IKZF2: variants seen among roughly 807,000 people sequenced by gnomAD.
IKZF2 encodes the protein IKAROS family zinc finger 2.
A neutral mutation model predicts 49.2 loss-of-function variants in IKZF2; 15 were observed. That is an observed-to-expected ratio of 0.30 (90% CI 0.20 to 0.47). IKZF2 has a LOEUF of 0.47. Among genes scored for constraint, IKZF2 ranks in the 20% least tolerant of loss-of-function variants. IKZF2 has a pLI of 1.00. For missense variants in IKZF2, 567 were observed against 664.6 expected, an observed-to-expected ratio of 0.85 and a Z score of 1.61; for synonymous variants, 227 against 221.4, an observed-to-expected ratio of 1.03 and a Z score of -0.23.
chr2:213,008,261 T>A (rs1348727890), intron 8 of IKZF2, among the ~76,000 whole-genome samples, 177 bp from the exon 9 acceptor site: 1 of 144,050 alleles, frequency 6.9e-6, no homozygotes, highest in East Asian at 2.0e-4. Context: ...CTCACACACA[T>A]TTTTTTTTTT....
chr2:213,131,765 T>C (rs909917533), intron 4 of IKZF2, among the ~76,000 whole-genome samples: 1 of 152,144 alleles, frequency 6.6e-6, no homozygotes, highest in Non-Finnish European at 1.5e-5. Context: ...AGCTGGGTGA[T>C]TTGGTCTCTG....
chr2:213,058,344 G>A (rs984725751), intron 4 of IKZF2, among the ~76,000 whole-genome samples: 1 of 152,002 alleles, frequency 6.6e-6, no homozygotes, highest in Non-Finnish European at 1.5e-5. Context: ...TAAGAACGAG[G>A]ATAGTGAGGA....
At chr2:213,019,492 G>A (rs1024314789) in intron 7 of IKZF2, among the ~76,000 whole-genome samples, 1 of 152,052 alleles carries the variant, frequency 6.6e-6, no homozygotes, top group African/African-American at 2.4e-5. Flanking sequence ...TACCTCGTAT[G>A]GCCAATTTCC....
At chr2:213,067,776 T>TTA (rs1361905056) in intron 4 of IKZF2, among the ~76,000 whole-genome samples, 2 of 152,034 alleles carry the variant, frequency 1.3e-5, no homozygotes, top group African/African-American at 2.4e-5. Flanking sequence ...GTCTGTCTTT[T>TTA]TATATATATA....
At chr2:213,090,436 T>C (rs1705175443) in intron 4 of IKZF2, among the ~76,000 whole-genome samples, 1 of 152,160 alleles carries the variant, frequency 6.6e-6, no homozygotes, top group Admixed American at 6.6e-5. Flanking sequence ...ACAAACATGG[T>C]CTTTTCTGTC....
intron 4 of IKZF2, among the ~76,000 whole-genome samples, chr2:213,058,139 T>G (rs1381317448): frequency 6.6e-6 from 1 of 152,166 alleles, no homozygotes; most frequent in Non-Finnish European, 1.5e-5. Context: ...TTGCCGTTGT[T>G]TTCTTAGAGA....
rs556848344 is a variant in IKZF2, at chr2:213,022,183, C to A, written c.575-53G>T. On this transcript the variant is annotated intron_variant, in intron 6 of 8. Coordinates refer to ENST00000434687, the MANE Select transcript of IKZF2 (RefSeq NM_001387220.1). ...CTGTTAGTCTCATCAACATTCAAAG[C>A]AAAATCAATAGCTAACTTTTGATAG... 2.6e-5 allele frequency: 38 copies of A among 1,461,712 alleles called. No individual in the cohort carries two copies. In the African/African-American group the frequency reaches 5.2e-4, roughly 20 times the overall value. The allele number at this position is 1,461,712 out of a possible 1,614,324, so 90.5% of individuals were successfully genotyped here. A position where few individuals can be genotyped will look rare whatever the true frequency, so the allele number is the denominator to read the frequency against.
intron 4 of IKZF2, among the ~76,000 whole-genome samples, chr2:213,063,083 A>G (rs1701855195): frequency 6.6e-6 from 1 of 152,022 alleles, no homozygotes; most frequent in Non-Finnish European, 1.5e-5. Context: ...AGTCTTGAAA[A>G]ACAGTTTCTT....
At chr2:213,029,335 A>T (rs1324993161) in intron 6 of IKZF2, among the ~76,000 whole-genome samples, 1 of 151,944 alleles carries the variant, frequency 6.6e-6, no homozygotes, top group Non-Finnish European at 1.5e-5. Flanking sequence ...CTTCAATTTC[A>T]ATTCCTGGAA....
chr2:213,027,441 C>A (rs1261553658), intron 6 of IKZF2, among the ~76,000 whole-genome samples: 2 of 152,040 alleles, frequency 1.3e-5, no homozygotes, highest in Admixed American at 1.3e-4. Context: ...GCCACTTACC[C>A]CTTCCTCTGA....
intron 7 of IKZF2, 100 bp downstream of exon 7, chr2:213,021,893 G>C: frequency 7.9e-7 from 1 of 1,263,506 alleles, no homozygotes; most frequent in Non-Finnish European, 1.1e-6. Context: ...TTAAGTTAAA[G>C]TGATCTAAAA....
At chr2:213,024,575 T>C (rs17277549) in intron 6 of IKZF2, among the ~76,000 whole-genome samples, 35,988 of 151,988 alleles carry the variant, frequency 0.24, 4,722 homozygotes, top group Non-Finnish European at 0.29. Flanking sequence ...AGTAGGAACA[T>C]TTCAGGTGAC....
At chr2:213,133,644 G>A (rs765513968) in intron 4 of IKZF2, among the ~76,000 whole-genome samples, 1 of 151,362 alleles carries the variant, frequency 6.6e-6, no homozygotes, top group Non-Finnish European at 1.5e-5. Context: ...GGTTGCAGTG[G>A]AGCCGAGATC....
At chr2:213,133,001 A>G (rs1221581903) in intron 4 of IKZF2, among the ~76,000 whole-genome samples, 3 of 152,250 alleles carry the variant, frequency 2.0e-5, no homozygotes, top group Non-Finnish European at 1.5e-5. Context: ...AGAAATATTC[A>G]GTAAGTGATC....
At chr2:213,056,241 C>CA (rs3835767) in intron 5 of IKZF2, among the ~76,000 whole-genome samples, 35,337 of 151,992 alleles carry the variant, frequency 0.23, 4,569 homozygotes, top group Non-Finnish European at 0.28. Flanking sequence ...CCAACCTACA[C>CA]ACCAGCCACT....
At chr2:213,086,331 G>C (rs955785877) in intron 4 of IKZF2, among the ~76,000 whole-genome samples, 1 of 152,082 alleles carries the variant, frequency 6.6e-6, no homozygotes. Flanking sequence ...AGAGTTGGAA[G>C]AAAGCTGCAA....
rs1407196384 is a variant in IKZF2, at chr2:213,001,104, AG to A, written c.*6255del. 1 of 151,926 alleles carries A rather than the reference AG, an allele frequency of 6.6e-6. No homozygotes were observed. Among genetic ancestry groups the A allele is most frequent in the African/African-American group, 2.4e-5 (1 of 41,382 alleles). 9.4% of individuals were successfully genotyped at this position (151,926 alleles called of 1,614,324 possible). A position where few individuals can be genotyped will look rare whatever the true frequency, so the allele number is the denominator to read the frequency against. On this transcript the variant is annotated 3_prime_UTR_variant, in exon 9 of 9. Transcript: ENST00000434687. ...AATCACCATAGTTTTTAAGACTTCA[AG>A]GGGAGTATTGCACTTGTACAGAAAG...
intron 4 of IKZF2, among the ~76,000 whole-genome samples, chr2:213,121,408 T>A (rs910914520): frequency 6.6e-6 from 1 of 152,216 alleles, no homozygotes; most frequent in African/African-American, 2.4e-5. Context: ...TGGCTTCCTA[T>A]CTTAGGCAAA....
intron 7 of IKZF2, among the ~76,000 whole-genome samples, chr2:213,019,528 A>G (rs1696976506): frequency 6.6e-6 from 1 of 152,210 alleles, no homozygotes; most frequent in South Asian, 2.1e-4. Context: ...CAACAGATAG[A>G]GGAGATTAAG....
Sources: allele counts gnomAD v4.1 joint callset (sites outside exome capture counted in the v4.1 genomes callset), GRCh38; gene constraint gnomAD v4.1.1; transcripts MANE v1.5; gene names NCBI Gene and HGNC (gene_info 2026-07-23, HGNC 2026-07-21).